RUNX1T1: variants seen among roughly 807,000 people sequenced by gnomAD.
RUNX1T1 encodes RUNX1 partner transcriptional co-repressor 1, also known as protein CBFA2T1.
A neutral mutation model predicts 62.8 loss-of-function variants in RUNX1T1; 4 were observed. The observed-to-expected ratio is 0.06, with a 90% confidence interval of 0.03 to 0.15. RUNX1T1 has a LOEUF of 0.15. Among genes scored for constraint, RUNX1T1 ranks in the 10% least tolerant of loss-of-function variants. The pLI is 1.00. For missense variants in RUNX1T1, 508 were observed against 754.3 expected (o/e 0.67, Z 3.82); for synonymous variants, 291 against 286.0 (o/e 1.02, Z -0.18).
chr8:91,955,394 GAA>G (rs925124094), downstream of RUNX1T1: 11 of 227,284 alleles, frequency 4.8e-5, no homozygotes, highest in Non-Finnish European at 9.6e-5. Context: ...TTCTTCTGTG[GAA>G]AAAAAGAGTA....
chr8:92,100,100 T>C (rs1423093539), upstream of RUNX1T1, among the ~76,000 whole-genome samples: 1 of 152,152 alleles, frequency 6.6e-6, no homozygotes, highest in African/African-American at 2.4e-5. Context: ...AATACTGTCC[T>C]TGCAATTTAA....
intron 8 of RUNX1T1, among the ~76,000 whole-genome samples, chr8:91,983,704 C>T (rs1815925167): frequency 6.6e-6 from 1 of 152,182 alleles, no homozygotes; most frequent in Non-Finnish European, 1.5e-5. Flanking sequence ...AGCCAATAAT[C>T]TCCAATCCTT....
intron 1 of RUNX1T1, among the ~76,000 whole-genome samples, chr8:92,034,980 T>C (rs573167025): frequency 6.6e-6 from 1 of 152,098 alleles, no homozygotes; most frequent in African/African-American, 2.4e-5. Flanking sequence ...AAGTAGGAGC[T>C]AAATAATGGG....
intron 3 of RUNX1T1, among the ~76,000 whole-genome samples, chr8:92,012,403 G>C (rs1010405628): frequency 6.6e-6 from 1 of 151,992 alleles, no homozygotes; most frequent in African/African-American, 2.4e-5. Context: ...GTGTGGTGGT[G>C]TGTGCCTCTA....
At chr8:92,017,811 T>C (rs1346141884) in intron 1 of RUNX1T1, 1 of 174,398 alleles carries the variant, frequency 5.7e-6, no homozygotes, top group Non-Finnish European at 1.1e-5. Context: ...TGATTTTCTC[T>C]TACACCTGCC....
chr8:91,972,139 CAT>C (rs1309064236), intron 9 of RUNX1T1, among the ~76,000 whole-genome samples: 1 of 152,054 alleles, frequency 6.6e-6, no homozygotes, highest in African/African-American at 2.4e-5. Flanking sequence ...TAATTAAAAA[CAT>C]AGATTCCTAA....
At chr8:92,061,546 T>C (rs1326376563) in intron 1 of RUNX1T1, among the ~76,000 whole-genome samples, 3 of 152,198 alleles carry the variant, frequency 2.0e-5, no homozygotes, top group Non-Finnish European at 4.4e-5. Flanking sequence ...CCTTTCTGCA[T>C]ATATATCAAT....
intron 3 of RUNX1T1, among the ~76,000 whole-genome samples, chr8:92,013,237 C>T (rs1822325346): frequency 6.6e-6 from 1 of 152,198 alleles, no homozygotes. Context: ...ACAAAAGTAT[C>T]TGAAGTATGC....
intron 1 of RUNX1T1, among the ~76,000 whole-genome samples, chr8:92,060,543 A>G (rs1197219247): frequency 0.016 from 1,678 of 105,458 alleles, 38 homozygotes; most frequent in African/African-American, 0.055. Flanking sequence ...ATATATATAT[A>G]TATATATATA....
intron 8 of RUNX1T1, among the ~76,000 whole-genome samples, chr8:91,985,204 A>C (rs1816296826): frequency 6.6e-6 from 1 of 152,238 alleles, no homozygotes; most frequent in African/African-American, 2.4e-5. Flanking sequence ...TGAGAGAACA[A>C]GAATCCACAG....
chr8:91,973,612 C>A (rs980133244), intron 9 of RUNX1T1, among the ~76,000 whole-genome samples: 11 of 151,946 alleles, frequency 7.2e-5, no homozygotes, highest in African/African-American at 2.7e-4. Context: ...TATAGATTTT[C>A]TTCAAAAAAT....
intron 10 of RUNX1T1, among the ~76,000 whole-genome samples, chr8:91,966,588 A>G (rs1271350301): frequency 1.3e-5 from 2 of 152,214 alleles, no homozygotes; most frequent in African/African-American, 4.8e-5. Context: ...CTGCAATCTG[A>G]GAGCATTCAT....
At chr8:92,015,074 G>C (rs1282085039) in intron 2 of RUNX1T1, among the ~76,000 whole-genome samples, 1 of 152,098 alleles carries the variant, frequency 6.6e-6, no homozygotes, top group Non-Finnish European at 1.5e-5. Context: ...CTGCAACCCA[G>C]GGCCAGCCCT....
chr8:91,968,716 C>G (rs1812159505), intron 10 of RUNX1T1, among the ~76,000 whole-genome samples: 1 of 152,122 alleles, frequency 6.6e-6, no homozygotes, highest in Non-Finnish European at 1.5e-5. Context: ...ATCCTTATTT[C>G]ATTGTTACAA....
chr8:91,995,918 T>C (rs1406909729), intron 5 of RUNX1T1, among the ~76,000 whole-genome samples: 1 of 152,258 alleles, frequency 6.6e-6, no homozygotes, highest in Non-Finnish European at 1.5e-5. Flanking sequence ...AAAGCATGTA[T>C]GTTCAGAAGG....
chr8:91,970,936 T>C, intron 9 of RUNX1T1, 88 bp from the exon 11 acceptor site: 1 of 1,194,126 alleles, frequency 8.4e-7, no homozygotes, highest in African/African-American at 1.6e-5. Context: ...TTTTAATTTT[T>C]TTTTTCTTTC....
chr8:91,965,801 T>C (rs1172356588), intron 10 of RUNX1T1, among the ~76,000 whole-genome samples: 3 of 152,186 alleles, frequency 2.0e-5, no homozygotes. Flanking sequence ...GTCACTACTC[T>C]AATTCTCTCG....
intron 9 of RUNX1T1, among the ~76,000 whole-genome samples, chr8:91,975,364 A>G (rs1194039162): frequency 6.6e-6 from 1 of 152,224 alleles, no homozygotes; most frequent in Admixed American, 6.5e-5. Flanking sequence ...TTTCACTTAA[A>G]GAGTAATTTA....
intron 1 of RUNX1T1, 138 bp from the exon 3 acceptor site, chr8:92,017,501 G>A (rs1221554478): frequency 1.9e-5 from 29 of 1,535,540 alleles, no homozygotes; most frequent in East Asian, 9.7e-5. Flanking sequence ...ATCTACTGAC[G>A]TTTAAATCAG....
Sources: gnomAD v4.1 joint callset for allele counts (sites outside exome capture counted in the v4.1 genomes callset) on GRCh38, gnomAD v4.1.1 for gene constraint, MANE v1.5 for transcripts, NCBI Gene and HGNC (gene_info 2026-07-23, HGNC 2026-07-21) for gene names.